GOLM2: variants seen among roughly 807,000 people sequenced by gnomAD.
GOLM2 encodes the protein protein GOLM2.
In GOLM2, 26 loss-of-function variants were observed where a neutral mutation model predicts 55.9. The observed-to-expected ratio is 0.47, with a 90% CI of 0.34 to 0.65. The LOEUF is 0.65. Among genes scored for constraint, GOLM2 ranks in the 30% least tolerant of loss-of-function variants. The pLI is 0.01. For synonymous variants in GOLM2, 165 were observed against 194.6 expected (o/e 0.85, Z 1.27); for missense variants, 486 against 531.8 (o/e 0.91, Z 0.85).
chr15:44,370,140 G>A (rs992366836), intron 6 of GOLM2, among the ~76,000 whole-genome samples: 3 of 152,134 alleles, frequency 2.0e-5, no homozygotes, highest in Non-Finnish European at 4.4e-5. Flanking sequence ...CAGATTAAGG[G>A]TGGGTCTGCC....
intron 6 of GOLM2, among the ~76,000 whole-genome samples, chr15:44,360,381 A>G (rs1454100263): frequency 6.6e-6 from 1 of 152,208 alleles, no homozygotes; most frequent in African/African-American, 2.4e-5. Flanking sequence ...ATGGAAAACA[A>G]AAAAAGGCAG....
intron 4 of GOLM2, among the ~76,000 whole-genome samples, chr15:44,336,111 C>T (rs2079054880): frequency 6.6e-6 from 1 of 151,824 alleles, no homozygotes; most frequent in South Asian, 2.1e-4. Flanking sequence ...CCGTGCCTGG[C>T]CCAAACTACT....
intron 6 of GOLM2, among the ~76,000 whole-genome samples, chr15:44,340,852 G>A (rs1447063271): frequency 1.3e-5 from 2 of 152,044 alleles, no homozygotes; most frequent in Non-Finnish European, 2.9e-5. Flanking sequence ...GTTTTAGGTT[G>A]ATTAATCTAT....
intron 6 of GOLM2, among the ~76,000 whole-genome samples, chr15:44,376,949 A>G (rs1378969629): frequency 2.0e-5 from 3 of 152,208 alleles, no homozygotes; most frequent in Non-Finnish European, 2.9e-5. Flanking sequence ...GAAAACAAAA[A>G]AAGGAAAGTA....
Position 44,337,776 on chromosome 15 carries a change from A to C in GOLM2, c.590A>C (p.Lys197Thr), listed in dbSNP as rs374515571. ...TTTGTCTAACAGCAAGAGACCCAAAAGATTCAATCAAATGATGGAAAGGAA... is the reference window on the plus strand; with the variant it reads ...TTTGTCTAACAGCAAGAGACCCAAACGATTCAATCAAATGATGGAAAGGAA... The part of the protein sequence containing the change: ...FLEEQKQETQ[K>T]IQSNDGKELD... Residue 197 changes from lysine (K) to threonine (T), a missense_variant, in exon 5 of 10, where the codon AAG (lysine) becomes ACG (threonine). Physicochemically the swap from Lys to Thr is moderately conservative, Grantham distance 78. Coordinates refer to ENST00000299957, the MANE Select transcript of GOLM2 (RefSeq NM_138423.4). The C allele has an allele frequency of 1.5e-5, 23 of 1,580,436 alleles. No homozygotes were observed. The highest frequency in any genetic ancestry group is 4.1e-5 in the Admixed American group (2 of 48,528).
intron 1 of GOLM2, among the ~76,000 whole-genome samples, chr15:44,304,230 CTTTTTTTTTTTTTTTT>C (rs895623812): frequency 1.2e-5 from 1 of 82,874 alleles, no homozygotes; most frequent in Non-Finnish European, 2.3e-5. Context: ...GGCTCCACTT[CTTTTTTTTTTTTTTTT>C]TTTTTTTTTT....
rs1364069533 is a variant in GOLM2 at position 44,364,277 on chromosome 15, A to AACCT, written c.803-15413_803-15412insACCT. ...GGTGGCTCACATCTGTAATCTCAGC[A>AACCT]CTTTGGGAGGCTGAGGCAGGTGGAT... On this transcript the variant is annotated intron_variant, in intron 6 of 9. Coordinates refer to ENST00000299957, the MANE Select transcript of GOLM2 (RefSeq NM_138423.4). Among the ~76,000 whole-genome samples, 55 of 152,264 alleles carry AACCT rather than the reference A, an allele frequency of 3.6e-4. No individual in the cohort carries two copies. In the East Asian group the frequency reaches 4.4e-3, roughly 12 times the overall value.
intron 1 of GOLM2, among the ~76,000 whole-genome samples, chr15:44,299,665 A>G (rs1019284589): frequency 1.3e-5 from 2 of 152,098 alleles, no homozygotes; most frequent in African/African-American, 4.8e-5. Flanking sequence ...TTCTACCATT[A>G]TGTTACCTCT....
At chr15:44,312,428 A>C (rs941344177) in intron 1 of GOLM2, among the ~76,000 whole-genome samples, 6 of 152,030 alleles carry the variant, frequency 3.9e-5, no homozygotes, top group Admixed American at 3.9e-4. Flanking sequence ...AATTGGACTG[A>C]TAAAACTTTA....
chr15:44,293,824 G>T (rs1050393989), intron 1 of GOLM2, among the ~76,000 whole-genome samples: 1 of 152,212 alleles, frequency 6.6e-6, no homozygotes, highest in Non-Finnish European at 1.5e-5. Context: ...AAGAAAGTAT[G>T]TTCACCCTCA....
In GOLM2 at chr15:44,338,226, T is replaced by TA. The variant is rs1263589101; in HGVS notation, c.722-10dup. 1 of 1,607,840 alleles carries TA rather than the reference T, an allele frequency of 6.2e-7. No individual in the cohort carries two copies. Among genetic ancestry groups the TA allele is most frequent in the Non-Finnish European group, 8.5e-7 (1 of 1,176,888 alleles). ...AAACGATAGAATTCTATCTTTTTGT[T>TA]ACTTGGGCAGAACAAATCAAAAGAG... On this transcript the variant is annotated splice_polypyrimidine_tract_variant and intron_variant, in intron 5 of 9. Coordinates refer to ENST00000299957, the MANE Select transcript of GOLM2 (RefSeq NM_138423.4).
chr15:44,289,076 T>A lies in GOLM2; in HGVS notation c.47T>A (p.Leu16His). ...CGGCGGGCTGGCCGCCTGCCCTCTC[T>A]CGTGCTGGTGGTGCTGCTGGTGGTG... The part of the protein sequence containing the change: ...ANRRAGRLPS[L>H]VLVVLLVVIV... Residue 16 changes from leucine to histidine, a missense_variant, in exon 1 of 10, where the codon CTC becomes CAC. Physicochemically the swap from Leu to His is moderately conservative, Grantham distance 99. Transcript: ENST00000299957. This position sits in a 1 kb window ranked among gnomAD's most constrained non-coding sequence, Gnocchi z 4.8. 6.2e-7 allele frequency: 1 copy of A among 1,614,048 alleles called. No individual in the cohort carries two copies. Among genetic ancestry groups the A allele is most frequent in the Non-Finnish European group, 8.5e-7 (1 of 1,179,976 alleles).
At chr15:44,295,965 C>T (rs977072106) in intron 1 of GOLM2, among the ~76,000 whole-genome samples, 2 of 151,074 alleles carry the variant, frequency 1.3e-5, no homozygotes, top group African/African-American at 4.9e-5. Flanking sequence ...CTTTTATTTC[C>T]TCTTTTATCA....
intron 1 of GOLM2, among the ~76,000 whole-genome samples, chr15:44,314,088 T>A (rs1364791070): frequency 6.6e-6 from 1 of 151,736 alleles, no homozygotes; most frequent in East Asian, 1.9e-4. Context: ...ATACAAAAAA[T>A]TAGCCGGGTG....
intron 6 of GOLM2, among the ~76,000 whole-genome samples, chr15:44,362,090 C>T (rs2079244609): frequency 6.6e-6 from 1 of 151,628 alleles, no homozygotes; most frequent in Non-Finnish European, 1.5e-5. Context: ...CAATATCATA[C>T]TGAATGGGCA....
chr15:44,400,397 C>G (rs2079556560), intron 8 of GOLM2, among the ~76,000 whole-genome samples: 2 of 151,608 alleles, frequency 1.3e-5, no homozygotes, highest in South Asian at 4.2e-4. Context: ...CAGTGAGCCG[C>G]AACCTCCGCC....
chr15:44,341,792 G>A (rs1233915800), intron 6 of GOLM2, among the ~76,000 whole-genome samples: 2 of 150,758 alleles, frequency 1.3e-5, no homozygotes, highest in African/African-American at 2.4e-5. Context: ...GGCCTCCCGG[G>A]TTTAAGCAGT....
chr15:44,370,408 A>G lies in GOLM2; in HGVS notation c.803-9282A>G, dbSNP rs182185300. 1.3e-4 allele frequency among the ~76,000 whole-genome samples: 20 copies of G among 152,242 alleles called. No homozygotes were observed. In the East Asian group the frequency reaches 3.7e-3, roughly 28 times the overall value. On this transcript the variant is annotated intron_variant, in intron 6 of 9. Coordinates refer to ENST00000299957, the MANE Select transcript of GOLM2 (RefSeq NM_138423.4). ...GTGGCCTAAAAATGATAATAATCAT[A>G]AGTAATTAGTCTAGTGTGGTGATGT...
chr15:44,390,557 C>T (rs2079480457), intron 8 of GOLM2: 1 of 152,312 alleles, frequency 6.6e-6, no homozygotes, highest in African/African-American at 2.4e-5. Context: ...TCTTCCTTTA[C>T]ATATAGAATT....
Sources: allele counts gnomAD v4.1 joint callset (sites outside exome capture counted in the v4.1 genomes callset), GRCh38; gene constraint gnomAD v4.1.1; non-coding constraint Gnocchi (gnomAD v3.1); transcripts MANE v1.5; gene names NCBI Gene and HGNC (gene_info 2026-07-23, HGNC 2026-07-21).